NINL: variants seen among roughly 807,000 people sequenced by gnomAD.
NINL encodes the protein ninein like, also known as ninein-like protein.
A neutral mutation model predicts 160.3 loss-of-function variants in NINL; 153 were observed. The observed-to-expected ratio is 0.95, with a 90% CI of 0.84 to 1.09. The LOEUF (loss-of-function observed/expected upper bound fraction) is 1.09, where lower values mean the gene tolerates loss of function less well. NINL is among the 50% of genes least tolerant of loss of function. NINL has a pLI of 0.00. For missense variants in NINL, 1,829 were observed against 1,764.0 expected, an observed-to-expected ratio of 1.04 and a Z score of -0.66; for synonymous variants, 800 against 734.8, an observed-to-expected ratio of 1.09 and a Z score of -1.43.
At chr20:25,505,185 G>T in intron 5 of NINL, 107 bp from the exon 6 acceptor site, 1 of 1,034,708 alleles carries the variant, frequency 9.7e-7, no homozygotes. Context: ...GTGAATGAAT[G>T]TGGAGGACAT....
intron 1 of NINL, among the ~76,000 whole-genome samples, chr20:25,565,123 A>G (rs2064986242): frequency 6.6e-6 from 1 of 152,226 alleles, no homozygotes; most frequent in South Asian, 2.1e-4. Context: ...AAGACTGGAG[A>G]ATAAAATAAA....
At chr20:25,503,729 T>C (rs2063910593) in intron 7 of NINL, among the ~76,000 whole-genome samples, 1 of 152,204 alleles carries the variant, frequency 6.6e-6, no homozygotes, top group Admixed American at 6.5e-5. Flanking sequence ...ACTCCCCTAG[T>C]GACACACAGC....
intron 1 of NINL, among the ~76,000 whole-genome samples, chr20:25,573,518 C>T (rs6037147): frequency 0.97 from 147,681 of 152,220 alleles, 71,794 homozygotes; most frequent in Non-Finnish European, 1. Context: ...GAGGCCTGAA[C>T]ATTTGGGGTT....
At chr20:25,573,876 A>T (rs2065084276) in intron 1 of NINL, among the ~76,000 whole-genome samples, 1 of 152,194 alleles carries the variant, frequency 6.6e-6, no homozygotes, top group Non-Finnish European at 1.5e-5. Context: ...GGGACCCTGG[A>T]GCAGACAAGA....
At chr20:25,519,634 T>C (rs2064226163) in intron 2 of NINL, among the ~76,000 whole-genome samples, 3 of 152,264 alleles carry the variant, frequency 2.0e-5, no homozygotes, top group South Asian at 2.1e-4. Flanking sequence ...GGCATAGTCA[T>C]ACAATGAAAT....
In NINL at chr20:25,510,708, AG is replaced by A. The variant is rs747484128; in HGVS notation, c.482del (p.Thr161IlefsTer56). 5.6e-6 allele frequency: 9 copies of A among 1,613,888 alleles called. No homozygotes were observed. The East Asian group carries it at 2.0e-4, about 36-fold the overall frequency. On this transcript the variant is annotated frameshift_variant, in exon 5 of 24. Transcript: ENST00000278886. LOFTEE classifies it high-confidence loss of function. The part of the protein sequence containing the change: ...SPKSDEEAES[T>X]KEAQNELFEA... ...CAAATAATTCATTCTGAGCTTCTTT[AG>A]TGCTCTCGGCCTCTTCATCTGACTT...
chr20:25,499,735 T>C (rs1317297336), intron 8 of NINL, among the ~76,000 whole-genome samples: 1 of 151,986 alleles, frequency 6.6e-6, no homozygotes, highest in Non-Finnish European at 1.5e-5. Flanking sequence ...GGCTCCTTCC[T>C]GTATTGTCTA....
intron 1 of NINL, among the ~76,000 whole-genome samples, chr20:25,537,554 T>G (rs761951163): frequency 7.9e-5 from 12 of 152,152 alleles, no homozygotes; most frequent in Non-Finnish European, 1.5e-4. Context: ...CACACAAAAT[T>G]AAAACAGAGT....
At chr20:25,469,935 C>T (rs2063050990) in intron 18 of NINL, 56 bp downstream of exon 18, 1 of 1,234,098 alleles carries the variant, frequency 8.1e-7, no homozygotes, top group Admixed American at 1.7e-5. Flanking sequence ...CATAAGGTCA[C>T]TCTACGGAGG....
At chr20:25,498,461 C>A in intron 8 of NINL, 115 bp from the exon 9 acceptor site, 2 of 1,337,766 alleles carry the variant, frequency 1.5e-6, no homozygotes, top group Non-Finnish European at 2.0e-6. Context: ...CAGGCAGCAC[C>A]TGCCCCTCCT....
At chr20:25,559,134 C>T (rs1167135245) in intron 1 of NINL, among the ~76,000 whole-genome samples, 1 of 152,210 alleles carries the variant, frequency 6.6e-6, no homozygotes, top group Non-Finnish European at 1.5e-5. Context: ...AAAATAGGGC[C>T]ACGTAAGGCA....
chr20:25,536,016 A>ACAGATGTC (rs1159051512), intron 1 of NINL, among the ~76,000 whole-genome samples: 1 of 152,184 alleles, frequency 6.6e-6, no homozygotes, highest in Admixed American at 6.5e-5. Flanking sequence ...AGTGAGCCCT[A>ACAGATGTC]CAGATGTCCA....
intron 1 of NINL, among the ~76,000 whole-genome samples, chr20:25,576,349 C>T (rs2065115691): frequency 6.6e-6 from 1 of 152,200 alleles, no homozygotes; most frequent in Admixed American, 6.5e-5. Flanking sequence ...ATGGGGGGCA[C>T]AGATGTCTCA....
rs1313037594 is a variant in NINL at position 25,455,783 on chromosome 20, C to A, written c.3847G>T (p.Glu1283Ter). ...GTGGCTTTCAGCTGTTTCTCATGTT[C>A]TTCCTGCCATAAAAGAAGGTTGCAG... ...ARRRLDAQRE[E>*]HEKQLKATEE... The change falls in exon 23 of 24, where the codon GAA becomes TAA. Residue 1283 changes from glutamate (E) to a stop codon, truncating the protein, a stop_gained. Transcript: ENST00000278886. LOFTEE classifies it high-confidence loss of function. The A allele has an allele frequency of 1.2e-6, 2 of 1,613,784 alleles. No homozygotes were observed. The highest frequency in any genetic ancestry group is 8.5e-7 in the Non-Finnish European group (1 of 1,179,792).
At chr20:25,543,051 A>AAAG (rs2064689210) in intron 1 of NINL, among the ~76,000 whole-genome samples, 1 of 151,640 alleles carries the variant, frequency 6.6e-6, no homozygotes, top group African/African-American at 2.4e-5. Context: ...AAAAAAAAAA[A>AAAG]AAAGAAAGAA....
chr20:25,474,007 C>G (rs991982603), intron 17 of NINL, among the ~76,000 whole-genome samples: 11 of 152,200 alleles, frequency 7.2e-5, no homozygotes, highest in South Asian at 4.2e-4. Context: ...CAATACTGGC[C>G]TCTAACAGAG....
chr20:25,505,315 G>A (rs2063941505), intron 5 of NINL, among the ~76,000 whole-genome samples: 1 of 149,996 alleles, frequency 6.7e-6, no homozygotes, highest in Non-Finnish European at 1.5e-5. Flanking sequence ...TACAGAGCTG[G>A]GTGGTGGGGG....
intron 1 of NINL, among the ~76,000 whole-genome samples, chr20:25,527,663 A>C (rs1035593884): frequency 1.3e-5 from 2 of 152,172 alleles, no homozygotes; most frequent in African/African-American, 2.4e-5. Context: ...TAACCATCTA[A>C]AAATGCTCAA....
intron 19 of NINL, among the ~76,000 whole-genome samples, chr20:25,465,029 C>T (rs1337192137): frequency 1.3e-5 from 2 of 152,236 alleles, no homozygotes; most frequent in African/African-American, 4.8e-5. Flanking sequence ...CAGAAGCCAA[C>T]ATGAGATGTC....
Sources: gnomAD v4.1 joint callset for allele counts (sites outside exome capture counted in the v4.1 genomes callset) on GRCh38, gnomAD v4.1.1 for gene constraint, MANE v1.5 for transcripts, NCBI Gene and HGNC (gene_info 2026-07-23, HGNC 2026-07-21) for gene names.